The following KLF7 variants were observed in gnomAD, a reference collection of about 807,000 sequenced individuals.
KLF7 encodes the protein KLF transcription factor 7.
A neutral mutation model predicts 27.3 loss-of-function variants in KLF7; 2 were observed. The ratio of observed to expected loss-of-function variants is 0.07; its 90% CI spans 0.03 to 0.23. The LOEUF is 0.23. Among genes scored for constraint, KLF7 ranks in the 10% least tolerant of loss-of-function variants. The pLI is 1.00. For synonymous variants in KLF7, 165 were observed against 162.4 expected (o/e 1.02, Z -0.12); for missense variants, 221 against 394.1 (o/e 0.56, Z 3.72).
intron 1 of KLF7, among the ~76,000 whole-genome samples, chr2:207,164,836 C>G (rs2078656146): frequency 6.6e-6 from 1 of 152,212 alleles, no homozygotes; most frequent in Non-Finnish European, 1.5e-5. Flanking sequence ...GGAAAACCTA[C>G]AATTCATTGT....
intron 2 of KLF7, among the ~76,000 whole-genome samples, chr2:207,107,305 C>T (rs1472454468): frequency 6.6e-6 from 1 of 152,132 alleles, no homozygotes; most frequent in Admixed American, 6.5e-5. Flanking sequence ...TAATTAAAGC[C>T]AAGCTCTGCT....
In KLF7 at chr2:207,076,122, G is replaced by C. The variant is rs1368134344; in HGVS notation, c.*5091C>G. ...CAGTAGCCTGTTTTCCTTCCGTGAA[G>C]GTACGACAGGTACATATGCGCATGT... is the stretch of plus-strand genomic sequence containing the variant. On this transcript the variant is annotated 3_prime_UTR_variant, in exon 4 of 4. Coordinates refer to ENST00000309446, the MANE Select transcript of KLF7 (RefSeq NM_003709.4). 1 of 152,032 alleles carries C rather than the reference G, an allele frequency of 6.6e-6. No individual in the cohort carries two copies. The highest frequency in any genetic ancestry group is 1.5e-5 in the Non-Finnish European group (1 of 68,002). 9.4% of individuals were successfully genotyped at this position (152,032 alleles called of 1,614,324 possible). A position where few individuals can be genotyped will look rare whatever the true frequency, so the allele number is the denominator to read the frequency against.
intron 1 of KLF7, among the ~76,000 whole-genome samples, chr2:207,139,383 T>C (rs2077876691): frequency 6.6e-6 from 1 of 152,180 alleles, no homozygotes. Flanking sequence ...ATCCTATTTA[T>C]GGGGAACCTA....
intron 1 of KLF7, chr2:207,134,150 T>C (rs1267121514): frequency 2.3e-5 from 33 of 1,429,198 alleles, no homozygotes; most frequent in South Asian, 4.3e-5. Flanking sequence ...CTCGGGCTAC[T>C]GGGATTTTTT....
upstream of KLF7, among the ~76,000 whole-genome samples, chr2:207,171,366 TAAC>T (rs759799705): frequency 2.0e-5 from 3 of 152,278 alleles, no homozygotes; most frequent in East Asian, 1.9e-4. Flanking sequence ...ATTGTTGAAA[TAAC>T]AAACTACTTA....
chr2:207,161,984 T>C (rs975369947), intron 1 of KLF7, among the ~76,000 whole-genome samples: 4 of 152,290 alleles, frequency 2.6e-5, no homozygotes, highest in South Asian at 4.1e-4. Flanking sequence ...AAACATGCGA[T>C]GCTCCTCAAT....
upstream of KLF7, among the ~76,000 whole-genome samples, chr2:207,171,802 A>T (rs1399751312): frequency 6.6e-6 from 1 of 152,202 alleles, no homozygotes; most frequent in Non-Finnish European, 1.5e-5. Context: ...ATGCACTGGG[A>T]AACAAAAAAC....
At chr2:207,169,313 T>C (rs1295553311), upstream of KLF7, among the ~76,000 whole-genome samples, 1 of 152,082 alleles carries the variant, frequency 6.6e-6, no homozygotes, top group Non-Finnish European at 1.5e-5. Flanking sequence ...AAGAATAAAA[T>C]AGTAAAAATT....
At chr2:207,172,242 A>G (rs2078792411), upstream of KLF7, among the ~76,000 whole-genome samples, 1 of 152,168 alleles carries the variant, frequency 6.6e-6, no homozygotes, top group Non-Finnish European at 1.5e-5. Context: ...TTCGTGTGAC[A>G]GGTGTTCTGC....
rs2076188535 is a variant in KLF7 at position 207,077,107 on chromosome 2, T to C, written c.*4106A>G. The C allele has an allele frequency of 6.6e-6, 1 of 152,228 alleles. No individual in the cohort carries two copies. Among genetic ancestry groups the C allele is most frequent in the Non-Finnish European group, 1.5e-5 (1 of 68,050 alleles). 9.4% of individuals were successfully genotyped at this position (152,228 alleles called of 1,614,324 possible). ...GACAGAAGCACTTCCCACTTTTTACTTAACATTTTATGAAGTGACTTCCAT... is the reference window on the plus strand; with the variant it reads ...GACAGAAGCACTTCCCACTTTTTACCTAACATTTTATGAAGTGACTTCCAT... On this transcript the variant is annotated 3_prime_UTR_variant, in exon 4 of 4. Transcript: ENST00000309446.
At chr2:207,109,039 T>C (rs2076958296) in intron 2 of KLF7, among the ~76,000 whole-genome samples, 1 of 152,244 alleles carries the variant, frequency 6.6e-6, no homozygotes, top group South Asian at 2.1e-4. Context: ...CTAAGATGCA[T>C]TCTTTCAAGG....
intron 2 of KLF7, among the ~76,000 whole-genome samples, chr2:207,111,566 G>C (rs758604787): frequency 3.3e-5 from 5 of 152,196 alleles, no homozygotes; most frequent in African/African-American, 4.8e-5. Context: ...TGATGTCAAA[G>C]CTAGCAGTTT....
intron 1 of KLF7, among the ~76,000 whole-genome samples, chr2:207,144,124 TA>T (rs1465687238): frequency 1.5e-5 from 2 of 134,650 alleles, no homozygotes; most frequent in African/African-American, 2.9e-5. Flanking sequence ...GAGGCTCCCA[TA>T]AAAACCCTGG....
chr2:207,134,017 A>G, intron 1 of KLF7: 1 of 1,440,726 alleles, frequency 6.9e-7, no homozygotes, highest in South Asian at 1.3e-5. Flanking sequence ...TTAACTTTGC[A>G]CACACACTCA....
At chr2:207,111,077 A>T (rs939465153) in intron 2 of KLF7, among the ~76,000 whole-genome samples, 1 of 152,158 alleles carries the variant, frequency 6.6e-6, no homozygotes, top group Non-Finnish European at 1.5e-5. Context: ...AAATGTCTCC[A>T]GACATTGCTA....
At chr2:207,114,018 A>T (rs1460931224) in intron 2 of KLF7, among the ~76,000 whole-genome samples, 1 of 152,230 alleles carries the variant, frequency 6.6e-6, no homozygotes, top group African/African-American at 2.4e-5. Flanking sequence ...CCCTCTGCCT[A>T]AATTTTTAAG....
intron 1 of KLF7, among the ~76,000 whole-genome samples, chr2:207,136,626 T>A (rs2077796652): frequency 6.6e-6 from 1 of 152,232 alleles, no homozygotes; most frequent in Non-Finnish European, 1.5e-5. Context: ...CTTGCATGTT[T>A]ATCGTTTATC....
At chr2:207,140,056 T>A (rs1473976294) in intron 1 of KLF7, among the ~76,000 whole-genome samples, 1 of 152,116 alleles carries the variant, frequency 6.6e-6, no homozygotes, top group East Asian at 1.9e-4. Flanking sequence ...ACCCAGCTAA[T>A]TTTTGTATTT....
chr2:207,159,164 T>C (rs1174482991), intron 1 of KLF7, among the ~76,000 whole-genome samples: 3 of 152,242 alleles, frequency 2.0e-5, no homozygotes, highest in Non-Finnish European at 2.9e-5. Flanking sequence ...AGATATCGCA[T>C]ATGGCTCTAC....
Sources: allele counts gnomAD v4.1 joint callset (sites outside exome capture counted in the v4.1 genomes callset), GRCh38; gene constraint gnomAD v4.1.1; transcripts MANE v1.5; gene names NCBI Gene and HGNC (gene_info 2026-07-23, HGNC 2026-07-21).